The following WWOX variants were observed in gnomAD, a reference collection of about 807,000 sequenced individuals.
WWOX encodes the protein WW domain-containing oxidoreductase.
WWOX carries 69 observed loss-of-function variants against 46.2 expected under a neutral mutation model. That is an observed-to-expected ratio of 1.49 (90% CI 1.23 to 1.82). The LOEUF (loss-of-function observed/expected upper bound fraction) is 1.82, where lower values mean the gene tolerates loss of function less well. Among genes scored for constraint, WWOX ranks in the 40% most tolerant of loss-of-function variants. The probability of loss-of-function intolerance (pLI) is 0.00; values close to 1 mark genes in which losing one functional copy is unlikely to be tolerated. For missense variants in WWOX, 919 were observed against 542.6 expected, an observed-to-expected ratio of 1.69 and a Z score of -6.89; for synonymous variants, 359 against 202.6, an observed-to-expected ratio of 1.77 and a Z score of -6.56.
chr16:78,994,058 AC>A (rs1293487552), intron 8 of WWOX, among the ~76,000 whole-genome samples: 1 of 152,198 alleles, frequency 6.6e-6, no homozygotes, highest in Non-Finnish European at 1.5e-5. Flanking sequence ...CTGCTTAGCC[AC>A]TGAGGATGTT....
chr16:78,107,128 G>A (rs999575729), intron 1 of WWOX, among the ~76,000 whole-genome samples: 1 of 152,148 alleles, frequency 6.6e-6, no homozygotes, highest in Non-Finnish European at 1.5e-5. Flanking sequence ...TTATCATCTA[G>A]ATGTTGCTGA....
At chr16:78,744,983 C>G (rs1476804908) in intron 8 of WWOX, among the ~76,000 whole-genome samples, 1 of 152,182 alleles carries the variant, frequency 6.6e-6, no homozygotes, top group East Asian at 1.9e-4. Flanking sequence ...CATCATGACT[C>G]CTGGCTTCCC....
At chr16:78,941,444 C>G (rs562225549) in intron 8 of WWOX, among the ~76,000 whole-genome samples, 2 of 151,546 alleles carry the variant, frequency 1.3e-5, no homozygotes, top group African/African-American at 2.4e-5. Flanking sequence ...GCATCATTAC[C>G]TTCCTCCGAA....
chr16:78,166,402 C>A (rs933316564), intron 5 of WWOX, among the ~76,000 whole-genome samples: 2 of 152,154 alleles, frequency 1.3e-5, no homozygotes, highest in African/African-American at 4.8e-5. Context: ...TGATATTGGG[C>A]CTAAACTATG....
chr16:78,517,657 A>G (rs2043265264), intron 8 of WWOX, among the ~76,000 whole-genome samples: 1 of 152,116 alleles, frequency 6.6e-6, no homozygotes, highest in East Asian at 1.9e-4. Context: ...CCCGCAATCC[A>G]TGTCTGGTGG....
chr16:78,132,318 G>T (rs764946277), intron 4 of WWOX, among the ~76,000 whole-genome samples: 9 of 152,222 alleles, frequency 5.9e-5, no homozygotes, highest in East Asian at 1.9e-4. Flanking sequence ...GAGCCACCAC[G>T]CCCGGCCTTG....
chr16:78,474,145 T>C lies in WWOX; in HGVS notation c.1056+41393T>C, dbSNP rs143560607. ...AAAATGACTGTTACACGTTTATGGATTGAAATGGTTCTGCTGAAATTTTAA... is the reference window on the plus strand; with the variant it reads ...AAAATGACTGTTACACGTTTATGGACTGAAATGGTTCTGCTGAAATTTTAA... On this transcript the variant is annotated intron_variant, in intron 8 of 8. Transcript: ENST00000566780. 1.6e-4 allele frequency among the ~76,000 whole-genome samples: 25 copies of C among 152,368 alleles called. 1 individual carries two copies. Among genetic ancestry groups the C allele is most frequent in the African/African-American group, 5.8e-4 (24 of 41,596 alleles).
intron 8 of WWOX, among the ~76,000 whole-genome samples, chr16:78,886,210 C>T (rs569626919): frequency 6.7e-6 from 1 of 149,850 alleles, no homozygotes; most frequent in South Asian, 2.2e-4. Flanking sequence ...CAGGCATGAA[C>T]CACTGCGCCT....
rs538303488 is a variant in WWOX, at chr16:78,339,781, C to T, written c.517-47079C>T. On this transcript the variant is annotated intron_variant, in intron 5 of 8. Transcript: ENST00000566780. ...CTGTGTTGTTCTCGGGAAGTACAAA[C>T]CCTTGTGACCGCTGTTCTCTTTCAT... 2.6e-5 allele frequency among the ~76,000 whole-genome samples: 3 copies of T among 116,604 alleles called. No homozygotes were observed. The East Asian group carries it at 5.9e-4, about 23-fold the overall frequency. The allele number at this position is 116,604 out of a possible 152,430, so 76.5% of individuals were successfully genotyped here.
chr16:78,899,889 T>G (rs1418702532), intron 8 of WWOX, among the ~76,000 whole-genome samples: 1 of 152,160 alleles, frequency 6.6e-6, no homozygotes, highest in Non-Finnish European at 1.5e-5. Context: ...CCATTAACAC[T>G]TGTTCCTCTC....
Position 78,698,745 on chromosome 16 carries a change from G to C in WWOX, c.1056+265993G>C, listed in dbSNP as rs572911705. On this transcript the variant is annotated intron_variant, in intron 8 of 8. Coordinates refer to ENST00000566780, the MANE Select transcript of WWOX (RefSeq NM_016373.4). Reference sequence around the variant, plus strand: ...AGTCCCATCTACTAAGGAGACTGAGGCAGGAGGATTGCTTGAGGCCTGGAG... The same window carrying C: ...AGTCCCATCTACTAAGGAGACTGAGCCAGGAGGATTGCTTGAGGCCTGGAG... Among the ~76,000 whole-genome samples, 213 of 152,230 alleles carry C rather than the reference G, an allele frequency of 1.4e-3. 8 individuals carry two copies. The highest frequency in any genetic ancestry group is 0.013 in the Admixed American group (191 of 15,280).
intron 8 of WWOX, among the ~76,000 whole-genome samples, chr16:78,834,600 A>G (rs1338990772): frequency 1.3e-5 from 2 of 152,208 alleles, no homozygotes; most frequent in African/African-American, 2.4e-5. Flanking sequence ...ATCAGAAAGT[A>G]CAGCGTAGTT....
intron 8 of WWOX, among the ~76,000 whole-genome samples, chr16:78,946,134 C>T (rs962031548): frequency 3.3e-5 from 5 of 152,088 alleles, no homozygotes; most frequent in African/African-American, 7.2e-5. Flanking sequence ...TACTTTAATT[C>T]CCCCTACAAG....
At chr16:78,395,129 T>C (rs1054527444) in intron 6 of WWOX, among the ~76,000 whole-genome samples, 3 of 152,178 alleles carry the variant, frequency 2.0e-5, no homozygotes, top group Admixed American at 1.3e-4. Flanking sequence ...TGAGAATATA[T>C]AGAGTTTAAG....
chr16:78,276,629 C>T (rs527296657), intron 5 of WWOX, among the ~76,000 whole-genome samples: 14 of 152,282 alleles, frequency 9.2e-5, no homozygotes, highest in East Asian at 3.9e-4. Context: ...AAATTGGGAT[C>T]GCATGGAGAA....
intron 8 of WWOX, among the ~76,000 whole-genome samples, chr16:78,931,770 C>T (rs970028115): frequency 1.3e-5 from 2 of 152,128 alleles, no homozygotes; most frequent in African/African-American, 2.4e-5. Flanking sequence ...GTTAGCAGTA[C>T]CCACTTGATA....
chr16:78,761,224 C>G (rs2142489052), intron 8 of WWOX, among the ~76,000 whole-genome samples: 1 of 152,210 alleles, frequency 6.6e-6, no homozygotes, highest in East Asian at 1.9e-4. Context: ...CTCATCTTTT[C>G]TGGACTAGGT....
chr16:78,479,009 T>C (rs1471346230), intron 8 of WWOX, among the ~76,000 whole-genome samples: 1 of 152,168 alleles, frequency 6.6e-6, no homozygotes, highest in Non-Finnish European at 1.5e-5. Context: ...ACAAGGCATA[T>C]TGCCATGACT....
chr16:78,348,280 T>A (rs2081127104), intron 5 of WWOX, among the ~76,000 whole-genome samples: 1 of 120,780 alleles, frequency 8.3e-6, no homozygotes, highest in Non-Finnish European at 2.0e-5. Flanking sequence ...AGCTGGAATT[T>A]GAAAGGTTAC....
Sources: allele counts gnomAD v4.1 joint callset (sites outside exome capture counted in the v4.1 genomes callset), GRCh38; gene constraint gnomAD v4.1.1; transcripts MANE v1.5; gene names NCBI Gene and HGNC (gene_info 2026-07-23, HGNC 2026-07-21).